NAA15: variants seen among roughly 807,000 people sequenced by gnomAD.
NAA15 encodes N-terminal acetyltransferase.
In NAA15, 34 loss-of-function variants were observed where a neutral mutation model predicts 114.0. That is an observed-to-expected ratio of 0.30 (90% CI 0.23 to 0.40). NAA15 has a LOEUF of 0.40. Ranked by LOEUF, NAA15 falls within the 10% of genes least tolerant of loss-of-function variation. The pLI is 1.00. For missense variants in NAA15, 658 were observed against 1,004.5 expected (o/e 0.66, Z 4.66); for synonymous variants, 340 against 338.0 (o/e 1.01, Z -0.06).
chr4:139,356,986 CT>C (rs10712283), intron 10 of NAA15, among the ~76,000 whole-genome samples: 50,593 of 146,700 alleles, frequency 0.34, 12,011 homozygotes, highest in African/African-American at 0.68. Context: ...GCAGCCAGGG[CT>C]TTTTTTTTTT....
chr4:139,333,888 G>A (rs569777181), intron 1 of NAA15, among the ~76,000 whole-genome samples: 2 of 151,960 alleles, frequency 1.3e-5, no homozygotes, highest in Non-Finnish European at 2.9e-5. Context: ...GACAGAGTGA[G>A]TCTCAGTCTT....
At chr4:139,375,001 C>T (rs1411437306) in intron 15 of NAA15, among the ~76,000 whole-genome samples, 1 of 152,132 alleles carries the variant, frequency 6.6e-6, no homozygotes, top group East Asian at 1.9e-4. Context: ...TAGTAAATTA[C>T]CCTGGTCAAT....
rs1560953009 is a variant in NAA15, at chr4:139,315,046, GTTAGGTTAGT to G, written c.54+13220_54+13229del. On this transcript the variant is annotated intron_variant, in intron 1 of 19. Coordinates refer to ENST00000296543, the MANE Select transcript of NAA15 (RefSeq NM_057175.5). ...GTTAGGTTAGGTTAGGTTAGGTTAG[GTTAGGTTAGT>G]TTAGTTTAGTTTAGTTTAGTTTTTG... Among the ~76,000 whole-genome samples the G allele has an allele frequency of 2.0e-3, 182 of 92,644 alleles. 7 individuals carry two copies. Among genetic ancestry groups the G allele is most frequent in the Admixed American group, 8.2e-3 (64 of 7,758 alleles). The allele number at this position is 92,644 out of a possible 152,430, so 60.8% of individuals were successfully genotyped here.
chr4:139,374,871 A>G (rs957356473), intron 15 of NAA15, among the ~76,000 whole-genome samples: 16 of 152,192 alleles, frequency 1.1e-4, no homozygotes, highest in African/African-American at 3.6e-4. Context: ...GACAGAATTA[A>G]TTTCTCTGTT....
At chr4:139,333,463 TC>T (rs1747095946) in intron 1 of NAA15, among the ~76,000 whole-genome samples, 1 of 152,172 alleles carries the variant, frequency 6.6e-6, no homozygotes, top group Admixed American at 6.5e-5. Context: ...CTTTGAGATT[TC>T]ACTATGATAT....
chr4:139,363,813 ATTG>A (rs1256963705), intron 14 of NAA15, among the ~76,000 whole-genome samples: 3 of 152,130 alleles, frequency 2.0e-5, no homozygotes, highest in Non-Finnish European at 4.4e-5. Flanking sequence ...TCTGAAGGTT[ATTG>A]TTCTTTTACA....
At chr4:139,366,619 A>T (rs7689447) in intron 14 of NAA15, among the ~76,000 whole-genome samples, 130,295 of 147,942 alleles carry the variant, frequency 0.88, 57,245 homozygotes, top group East Asian at 0.95. Context: ...TTTTTTTTTT[A>T]AATTTTTGAG....
intron 1 of NAA15, among the ~76,000 whole-genome samples, chr4:139,309,568 C>A (rs1047996637): frequency 1.3e-5 from 2 of 151,714 alleles, no homozygotes; most frequent in Non-Finnish European, 1.5e-5. Context: ...TGCTACTGCG[C>A]CTGGCCTGTT....
chr4:139,321,277 C>G (rs1560955973), intron 1 of NAA15, among the ~76,000 whole-genome samples: 1 of 151,718 alleles, frequency 6.6e-6, no homozygotes, highest in Non-Finnish European at 1.5e-5. Flanking sequence ...AAAATAGTTT[C>G]CATTTCTTCA....
chr4:139,365,229 G>A (rs902057127), intron 14 of NAA15, among the ~76,000 whole-genome samples: 18 of 151,896 alleles, frequency 1.2e-4, no homozygotes, highest in African/African-American at 4.4e-4. Context: ...GTAGAGACGG[G>A]GTTTCTCCAT....
intron 2 of NAA15, among the ~76,000 whole-genome samples, chr4:139,335,618 G>A (rs1192328646): frequency 3.3e-5 from 5 of 151,876 alleles, no homozygotes; most frequent in Admixed American, 2.0e-4. Flanking sequence ...CACCCACCTC[G>A]GCCTCCCAAA....
rs981811650 is a variant in NAA15 at position 139,320,764 on chromosome 4, G to C, written c.55-13410G>C. Among the ~76,000 whole-genome samples, 8 of 152,192 alleles carry C rather than the reference G, an allele frequency of 5.3e-5. No individual in the cohort carries two copies. The South Asian group carries it at 1.0e-3, about 20-fold the overall frequency. On this transcript the variant is annotated intron_variant, in intron 1 of 19. Coordinates refer to ENST00000296543, the MANE Select transcript of NAA15 (RefSeq NM_057175.5). Reference sequence around the variant, plus strand: ...TCGAACTCCTGACCTCAGGTGATCCGCCCACCTCGGCCACCCAAAGTGTTG... The same window carrying C: ...TCGAACTCCTGACCTCAGGTGATCCCCCCACCTCGGCCACCCAAAGTGTTG...
chr4:139,333,898 T>TA (rs1051248269), intron 1 of NAA15, among the ~76,000 whole-genome samples: 29 of 151,622 alleles, frequency 1.9e-4, no homozygotes, highest in African/African-American at 4.8e-4. Context: ...GTCTCAGTCT[T>TA]AAAAAAAAAT....
At chr4:139,386,725 G>T (rs556502039) in intron 19 of NAA15, among the ~76,000 whole-genome samples, 92 of 152,130 alleles carry the variant, frequency 6.0e-4, no homozygotes, top group Non-Finnish European at 1.0e-3. Flanking sequence ...GGGGGACTGA[G>T]ATATGAGGAA....
chr4:139,333,402 T>G (rs924464739), intron 1 of NAA15, among the ~76,000 whole-genome samples: 1 of 152,212 alleles, frequency 6.6e-6, no homozygotes, highest in Admixed American at 6.5e-5. Flanking sequence ...TGTGACTTGT[T>G]TTTTTCCCCT....
rs185226087 is a variant in NAA15 at position 139,316,576 on chromosome 4, C to G, written c.54+14745C>G. 1.6e-3 allele frequency among the ~76,000 whole-genome samples: 246 copies of G among 151,976 alleles called. 1 individual carries two copies. The highest frequency in any genetic ancestry group is 0.01 in the Middle Eastern group (3 of 294). On this transcript the variant is annotated intron_variant, in intron 1 of 19. Coordinates refer to ENST00000296543, the MANE Select transcript of NAA15 (RefSeq NM_057175.5). ...ATTTGCGATGGATATGGTGATATTA[C>G]ATCTTTTCTCTGTAAGCGTTTTTGA...
chr4:139,365,678 CA>C (rs951055610), intron 14 of NAA15, among the ~76,000 whole-genome samples: 6 of 151,110 alleles, frequency 4.0e-5, no homozygotes, highest in Admixed American at 1.3e-4. Flanking sequence ...TCTACAAATA[CA>C]AAAAAAACCC....
intron 17 of NAA15, among the ~76,000 whole-genome samples, chr4:139,382,351 C>T (rs1748777265): frequency 6.6e-6 from 1 of 151,938 alleles, no homozygotes; most frequent in Non-Finnish European, 1.5e-5. Context: ...AAGTTATTTG[C>T]TTCAGTTTTG....
chr4:139,315,088 A>T (rs1466026996), intron 1 of NAA15, among the ~76,000 whole-genome samples: 2 of 101,812 alleles, frequency 2.0e-5, no homozygotes, highest in East Asian at 3.2e-4. Flanking sequence ...TTTGAGACGG[A>T]GTCTCGCTCT....
Sources: gnomAD v4.1 joint callset for allele counts (sites outside exome capture counted in the v4.1 genomes callset) on GRCh38, gnomAD v4.1.1 for gene constraint, MANE v1.5 for transcripts, NCBI Gene and HGNC (gene_info 2026-07-23, HGNC 2026-07-21) for gene names.